Variants in ZCCHC14 observed in about 807,000 individuals in gnomAD.
The protein encoded by ZCCHC14 is zinc finger CCHC domain-containing protein 14.
A neutral mutation model predicts 85.0 loss-of-function variants in ZCCHC14; 16 were observed. That is an observed-to-expected ratio of 0.19 (90% CI 0.13 to 0.29). ZCCHC14 has a LOEUF of 0.29. Among genes scored for constraint, ZCCHC14 ranks in the 10% least tolerant of loss-of-function variants. The probability of loss-of-function intolerance (pLI) is 1.00; values close to 1 mark genes in which losing one functional copy is unlikely to be tolerated. For synonymous variants in ZCCHC14, 775 were observed against 630.7 expected, an observed-to-expected ratio of 1.23 and a Z score of -3.43; for missense variants, 1,303 against 1,443.5, an observed-to-expected ratio of 0.90 and a Z score of 1.58.
At chr16:87,446,346 TG>T in intron 2 of ZCCHC14, among the ~76,000 whole-genome samples, 1 of 151,232 alleles carries the variant, frequency 6.6e-6, no homozygotes, top group East Asian at 1.9e-4. Flanking sequence ...TAGCTGGGAG[TG>T]GTAGCACGCA....
intron 3 of ZCCHC14, among the ~76,000 whole-genome samples, chr16:87,432,231 T>C (rs1355166230): frequency 6.6e-6 from 1 of 151,760 alleles, no homozygotes. Context: ...AAGGAGAATG[T>C]CCCCCTGTCA....
At chr16:87,479,416 CA>C (rs35830701) in intron 1 of ZCCHC14, among the ~76,000 whole-genome samples, 172 of 119,284 alleles carry the variant, frequency 1.4e-3, no homozygotes, top group Middle Eastern at 4.0e-3. Context: ...GACTACGTCT[CA>C]AAAAAAAAAA....
At position 87,423,733 on chromosome 16, in the gene ZCCHC14, G is replaced by A. The variant is rs118148824; in HGVS notation, c.840+77C>T. On this transcript the variant is annotated intron_variant, in intron 4 of 12. Transcript: ENST00000671377. ...TCGCTAGCTGAAGGGAGTGGCCTCT[G>A]AAATTACTCCGTGGTATCATCAGCC... The A allele has an allele frequency of 2.9e-4, 451 of 1,542,438 alleles. 5 individuals are homozygous for A. The East Asian group carries it at 9.9e-3, about 34-fold the overall frequency.
intron 2 of ZCCHC14, among the ~76,000 whole-genome samples, chr16:87,443,526 A>T (rs1162645973): frequency 1.3e-5 from 2 of 152,162 alleles, no homozygotes; most frequent in African/African-American, 2.4e-5. Flanking sequence ...GCCTGAGCTG[A>T]GAAGTTAGAG....
intron 1 of ZCCHC14, among the ~76,000 whole-genome samples, chr16:87,483,881 G>A (rs971661805): frequency 1.3e-5 from 2 of 152,222 alleles, no homozygotes; most frequent in Non-Finnish European, 2.9e-5. Context: ...ACATGTAGGT[G>A]ATATGTATAT....
intron 1 of ZCCHC14, chr16:87,471,616 G>A (rs573379628): frequency 6.6e-6 from 1 of 152,348 alleles, no homozygotes; most frequent in Non-Finnish European, 1.5e-5. Context: ...AGGCCTCCAG[G>A]TGCCAAGACA....
At chr16:87,432,583 G>A (rs916639747) in intron 3 of ZCCHC14, among the ~76,000 whole-genome samples, 3 of 152,094 alleles carry the variant, frequency 2.0e-5, no homozygotes, top group South Asian at 2.1e-4. Flanking sequence ...TCCAGGGAAC[G>A]GGGTGGCCTC....
intron 4 of ZCCHC14, 150 bp downstream of exon 4, chr16:87,423,660 G>T (rs1243862246): frequency 1.3e-6 from 1 of 791,820 alleles, no homozygotes; most frequent in African/African-American, 1.7e-5. Context: ...CAGCGGGCCT[G>T]GGACTCCACT....
chr16:87,492,097 G>C lies in ZCCHC14; in HGVS notation c.142C>G (p.Leu48Val). The change falls in exon 1 of 13, where the codon CTG becomes GTG. Residue 48 changes from leucine (L) to valine (V), a missense_variant. By Grantham distance (32) the Leu-to-Val change is conservative (BLOSUM62 1). Transcript: ENST00000671377. The surrounding 1 kb of genome is among the most constrained non-coding windows in gnomAD (Gnocchi z 6.7). ...PLELRFLGSC[L>V]EDLARKDYHS... Reference sequence around the variant, plus strand: ...TAGTCCTTGCGGGCCAGGTCCTCCAGGCACGAGCCGAGGAAGCGAAGCTCG... The same window carrying C: ...TAGTCCTTGCGGGCCAGGTCCTCCACGCACGAGCCGAGGAAGCGAAGCTCG... 7.2e-7 allele frequency: 1 copy of C among 1,386,186 alleles called. No individual in the cohort carries two copies. Among genetic ancestry groups the C allele is most frequent in the Non-Finnish European group, 9.3e-7 (1 of 1,076,630 alleles). The allele number at this position is 1,386,186 out of a possible 1,614,324, so 85.9% of individuals were successfully genotyped here. A position where few individuals can be genotyped will look rare whatever the true frequency, so the allele number is the denominator to read the frequency against.
chr16:87,455,227 G>C (rs144809410), intron 2 of ZCCHC14, among the ~76,000 whole-genome samples: 1 of 152,122 alleles, frequency 6.6e-6, no homozygotes. Context: ...GGTGGAGGTT[G>C]TGGTGAACCG....
intron 2 of ZCCHC14, among the ~76,000 whole-genome samples, chr16:87,448,307 G>C (rs552997852): frequency 1.5e-4 from 23 of 152,200 alleles, no homozygotes; most frequent in African/African-American, 5.1e-4. Context: ...CCTGATTCTG[G>C]TTTCTTCACA....
intron 9 of ZCCHC14, among the ~76,000 whole-genome samples, chr16:87,414,867 G>C (rs1908699275): frequency 6.6e-6 from 1 of 152,166 alleles, no homozygotes; most frequent in South Asian, 2.1e-4. Flanking sequence ...GATCGCCTGA[G>C]GTCCAGAGTT....
At chr16:87,467,364 G>A in intron 1 of ZCCHC14, 3 of 1,597,800 alleles carry the variant, frequency 1.9e-6, no homozygotes, top group Non-Finnish European at 2.6e-6. Flanking sequence ...CACCCCTGGG[G>A]TAATTAAGCA....
At chr16:87,480,893 A>G (rs1912236646) in intron 1 of ZCCHC14, among the ~76,000 whole-genome samples, 1 of 152,220 alleles carries the variant, frequency 6.6e-6, no homozygotes, top group Admixed American at 6.5e-5. Flanking sequence ...GGCACAGGAG[A>G]GAGAAAGCAC....
In ZCCHC14 at chr16:87,492,235, C is replaced by G. The variant is rs1912799521; in HGVS notation, c.4G>C (p.Val2Leu). Residue 2 changes from valine to leucine, a missense_variant, in exon 1 of 13, where the codon GTG becomes CTG. Around this residue, in one of 7 missense-constraint regions of ZCCHC14, gnomAD observed 29 missense variants for 76.8 expected, o/e 0.38. Transcript: ENST00000671377. This position sits in a 1 kb window ranked among gnomAD's most constrained non-coding sequence, Gnocchi z 6.7. MVEKRCPLQRDG... is the reference protein window; with the variant it reads MLEKRCPLQRDG... Reference sequence around the variant, plus strand: ...CTCTGCAGCGGGCAGCGCTTCTCCACCATGCTGCCGCCCGCGCCGCGCCGC... The same window carrying G: ...CTCTGCAGCGGGCAGCGCTTCTCCAGCATGCTGCCGCCCGCGCCGCGCCGC... 2.8e-5 allele frequency: 28 copies of G among 983,496 alleles called. No homozygotes were observed. Among genetic ancestry groups the G allele is most frequent in the Non-Finnish European group, 3.4e-5 (28 of 829,416 alleles). The allele number at this position is 983,496 out of a possible 1,614,324, so 60.9% of individuals were successfully genotyped here.
At chr16:87,479,728 A>G (rs1371122634) in intron 1 of ZCCHC14, among the ~76,000 whole-genome samples, 1 of 152,198 alleles carries the variant, frequency 6.6e-6, no homozygotes, top group Non-Finnish European at 1.5e-5. Context: ...ATGTTACTCC[A>G]TGGAAATGAA....
chr16:87,449,658 CAAT>C (rs1182458857), intron 2 of ZCCHC14, among the ~76,000 whole-genome samples: 8 of 152,166 alleles, frequency 5.3e-5, no homozygotes, highest in East Asian at 1.9e-4. Context: ...ACATTCCCAA[CAAT>C]GAGAAACCAC....
At position 87,420,933 on chromosome 16, in the gene ZCCHC14, C is replaced by T. The variant is rs1909063001; in HGVS notation, c.841-217G>A. Among the ~76,000 whole-genome samples the T allele has an allele frequency of 6.6e-6, 1 of 152,242 alleles. No individual in the cohort carries two copies. Among genetic ancestry groups the T allele is most frequent in the Non-Finnish European group, 1.5e-5 (1 of 68,042 alleles). On this transcript the variant is annotated intron_variant, in intron 4 of 12. Coordinates refer to ENST00000671377, the MANE Select transcript of ZCCHC14 (RefSeq NM_015144.3). The surrounding 1 kb of genome is among the most constrained non-coding windows in gnomAD (Gnocchi z 5.0). ...GCTCTCACAGTTACATCCGGAAAAG[C>T]TTGACAATCTGCACAATCACAATGT... is the stretch of plus-strand genomic sequence containing the variant.
In ZCCHC14 at chr16:87,414,446, G is replaced by A. The variant is rs780814188; in HGVS notation, c.1571C>T (p.Pro524Leu). 5.0e-6 allele frequency: 8 copies of A among 1,613,416 alleles called. No homozygotes were observed. Among genetic ancestry groups the A allele is most frequent in the Admixed American group, 1.7e-5 (1 of 60,028 alleles). Residue 524 changes from proline (P) to leucine (L), a missense_variant, in exon 10 of 13, where the codon CCC becomes CTC. By Grantham distance (98) the Pro-to-Leu change is moderately conservative (BLOSUM62 -3). Transcript: ENST00000671377. ...ATGGCTGCCCCGCCCCGACTGCACG[G>A]GCCCGACGTGGCTGGTGGGGGGCAC... is the stretch of plus-strand genomic sequence containing the variant. ...ARVPPTSHVG[P>L]VQSGRGSHAA...
Sources: allele counts gnomAD v4.1 joint callset (sites outside exome capture counted in the v4.1 genomes callset), GRCh38; gene constraint gnomAD v4.1.1; regional missense constraint gnomAD v4.1.1; non-coding constraint Gnocchi (gnomAD v3.1); transcripts MANE v1.5; gene names NCBI Gene and HGNC (gene_info 2026-07-23, HGNC 2026-07-21).